Variants in BBC3 observed in about 807,000 individuals in gnomAD.
BBC3 encodes BCL2 binding component 3.
Under a neutral mutation model 18.2 loss-of-function variants are expected in BBC3, and 5 were observed. The observed-to-expected ratio is 0.27, with a 90% CI of 0.14 to 0.58. The LOEUF (loss-of-function observed/expected upper bound fraction) is 0.58, where lower values mean the gene tolerates loss of function less well. Among genes scored for constraint, BBC3 ranks in the 20% least tolerant of loss-of-function variants. The pLI is 0.91. For missense variants in BBC3, 224 were observed against 268.9 expected, an observed-to-expected ratio of 0.83 and a Z score of 1.17; for synonymous variants, 119 against 128.0, an observed-to-expected ratio of 0.93 and a Z score of 0.47.
chr19:47,226,362 G>A (rs2058820804), intron 3 of BBC3, among the ~76,000 whole-genome samples: 1 of 152,002 alleles, frequency 6.6e-6, no homozygotes, highest in Admixed American at 6.6e-5. Flanking sequence ...CTCGGGCTCC[G>A]GCTATGCCAG....
At chr19:47,226,088 G>A (rs1418368843) in intron 3 of BBC3, among the ~76,000 whole-genome samples, 2 of 151,964 alleles carry the variant, frequency 1.3e-5, no homozygotes, top group Non-Finnish European at 2.9e-5. Context: ...CTGGGGGGCG[G>A]GGCCTCCCGC....
In BBC3 at chr19:47,221,695, A is replaced by G; in HGVS notation, c.*107T>C. The stretch of plus-strand genomic sequence containing the variant: ...CCGGGACAGGCAGGGCTGGGAGTCC[A>G]GTATGCTACATGGTGCAGAGAAAGT... On this transcript the variant is annotated 3_prime_UTR_variant, in exon 4 of 4. Transcript: ENST00000439096. The G allele has an allele frequency of 1.3e-6, 2 of 1,563,816 alleles. No individual in the cohort carries two copies. The highest frequency in any genetic ancestry group is 1.7e-6 in the Non-Finnish European group (2 of 1,160,800).
intron 2 of BBC3, chr19:47,227,165 A>C: frequency 6.3e-6 from 1 of 157,932 alleles, no homozygotes; most frequent in Non-Finnish European, 1.4e-5. Context: ...CCCAGATCAC[A>C]AGCCTCAGGT....
In BBC3 at chr19:47,221,600, C is replaced by T. The variant is rs1362279569; in HGVS notation, c.*202G>A. 3.6e-6 allele frequency: 4 copies of T among 1,110,352 alleles called. No individual in the cohort carries two copies. The highest frequency in any genetic ancestry group is 1.5e-5 in the South Asian group (1 of 67,152). The allele number at this position is 1,110,352 out of a possible 1,614,324, so 68.8% of individuals were successfully genotyped here. A position where few individuals can be genotyped will look rare whatever the true frequency, so the allele number is the denominator to read the frequency against. ...CTCTCCTGGCTTCTTGGCCAGGGACCCAGGAGTCCGCATCTCCGTCAGTGC... is the reference window on the plus strand; with the variant it reads ...CTCTCCTGGCTTCTTGGCCAGGGACTCAGGAGTCCGCATCTCCGTCAGTGC... On this transcript the variant is annotated 3_prime_UTR_variant, in exon 4 of 4. Transcript: ENST00000439096.
At chr19:47,229,813 C>T (rs1198887804) in intron 1 of BBC3, among the ~76,000 whole-genome samples, 1 of 151,962 alleles carries the variant, frequency 6.6e-6, no homozygotes, top group Middle Eastern at 3.2e-3. Context: ...CCACCACACA[C>T]ATACATACAC....
At chr19:47,227,015 A>G (rs571769521) in intron 2 of BBC3, 5 of 336,114 alleles carry the variant, frequency 1.5e-5, no homozygotes, top group Non-Finnish European at 2.7e-5. Context: ...CAGAGAGGTG[A>G]CCCCGGGGGT....
intron 2 of BBC3, chr19:47,226,984 T>A: frequency 2.5e-6 from 1 of 405,966 alleles, no homozygotes; most frequent in African/African-American, 2.1e-5. Flanking sequence ...ACGGCCCTTG[T>A]CAGTGTGGAA....
intron 3 of BBC3, 111 bp downstream of exon 3, chr19:47,226,453 A>G: frequency 3.9e-6 from 1 of 257,228 alleles, no homozygotes; most frequent in South Asian, 5.8e-5. Context: ...CTGTCCGCGG[A>G]GCGACCCAGC....
rs1212698283 is a variant in BBC3, at chr19:47,221,437, C to CCT, written c.*364_*365insAG. The stretch of plus-strand genomic sequence containing the variant: ...GCACCGAGAGGAGAGCCCCCCCCTC[C>CCT]CAGTGTCACCCCTGCAGCTGGAACG... On this transcript the variant is annotated 3_prime_UTR_variant, in exon 4 of 4. Coordinates refer to ENST00000439096, the MANE Select transcript of BBC3 (RefSeq NM_014417.5). 7 of 255,928 alleles carry CCT rather than the reference C, an allele frequency of 2.7e-5. No individual in the cohort carries two copies. In the East Asian group the frequency reaches 6.8e-4, roughly 25 times the overall value. The allele number at this position is 255,928 out of a possible 1,614,324, so 15.9% of individuals were successfully genotyped here. A position where few individuals can be genotyped will look rare whatever the true frequency, so the allele number is the denominator to read the frequency against.
intron 1 of BBC3, among the ~76,000 whole-genome samples, chr19:47,229,012 C>A (rs1422379874): frequency 6.6e-6 from 1 of 151,304 alleles, no homozygotes; most frequent in African/African-American, 2.5e-5. Flanking sequence ...ACACCCCCGA[C>A]CAAAGCAGGA....
intron 1 of BBC3, among the ~76,000 whole-genome samples, chr19:47,229,455 A>G (rs1456958771): frequency 3.2e-4 from 48 of 150,318 alleles, no homozygotes. Flanking sequence ...CTCAAACATC[A>G]TCACCAACTG....
At chr19:47,221,963 T>C in intron 3 of BBC3, 45 bp from the exon 4 acceptor site, 1 of 1,520,754 alleles carries the variant, frequency 6.6e-7, no homozygotes, top group Non-Finnish European at 8.9e-7. Context: ...GGACTGAGTA[T>C]GGTGATGGGA....
At chr19:47,224,915 C>CTT (rs539447877) in intron 3 of BBC3, among the ~76,000 whole-genome samples, 61 of 131,104 alleles carry the variant, frequency 4.7e-4, no homozygotes, top group African/African-American at 1.1e-3. Flanking sequence ...CTTTTTGTTT[C>CTT]TTTTTTTTTT....
In BBC3 at chr19:47,230,294, C is replaced by T. The variant is rs1260899302; in HGVS notation, c.-16+635G>A. Among the ~76,000 whole-genome samples, 1 of 152,122 alleles carries T rather than the reference C, an allele frequency of 6.6e-6. No homozygotes were observed. Among genetic ancestry groups the T allele is most frequent in the Non-Finnish European group, 1.5e-5 (1 of 68,002 alleles). On this transcript the variant is annotated intron_variant, in intron 1 of 3. Coordinates refer to ENST00000439096, the MANE Select transcript of BBC3 (RefSeq NM_014417.5). The surrounding 1 kb of genome is among the most constrained non-coding windows in gnomAD (Gnocchi z 6.7). ...CACTCCCTGCAGAACCCAGCACAAA[C>T]TCGGAGCCAGACACGCGCACACACC...
chr19:47,223,348 C>T (rs1468965517), intron 3 of BBC3, among the ~76,000 whole-genome samples: 3 of 151,886 alleles, frequency 2.0e-5, no homozygotes, highest in South Asian at 2.1e-4. Context: ...AGGTGGATCA[C>T]CTGAGGTCAG....
chr19:47,221,450 T>A lies in BBC3; in HGVS notation c.*352A>T, dbSNP rs2123351809. The stretch of plus-strand genomic sequence containing the variant: ...AGCCCCCCCCTCCCAGTGTCACCCC[T>A]GCAGCTGGAACGGGCACCAGCACAA... On this transcript the variant is annotated 3_prime_UTR_variant, in exon 4 of 4. Transcript: ENST00000439096. 9.9e-5 allele frequency: 9 copies of A among 90,754 alleles called. No individual in the cohort carries two copies. Among genetic ancestry groups the A allele is most frequent in the Non-Finnish European group, 1.4e-4 (8 of 56,160 alleles). 5.6% of individuals were successfully genotyped at this position (90,754 alleles called of 1,614,324 possible). A position where few individuals can be genotyped will look rare whatever the true frequency, so the allele number is the denominator to read the frequency against.
intron 3 of BBC3, among the ~76,000 whole-genome samples, chr19:47,225,631 A>G (rs2123370711): frequency 6.6e-6 from 1 of 152,306 alleles, no homozygotes; most frequent in African/African-American, 2.4e-5. Context: ...TGCTGGGATT[A>G]CAGGAGTGAG....
At chr19:47,231,339 G>C, upstream of BBC3, 1 of 414,834 alleles carries the variant, frequency 2.4e-6, no homozygotes, top group Non-Finnish European at 3.2e-6. This position sits in a 1 kb window ranked among gnomAD's most constrained non-coding sequence, Gnocchi z 4.0. Flanking sequence ...AGGACTTGCA[G>C]GCGCGCGCCG....
chr19:47,222,237 A>G (rs1600233699), intron 3 of BBC3: 1 of 261,134 alleles, frequency 3.8e-6, no homozygotes, highest in South Asian at 8.3e-5. Context: ...ATGGACTGCA[A>G]CCTATCCTGC....
Sources: gnomAD v4.1 joint callset for allele counts (sites outside exome capture counted in the v4.1 genomes callset) on GRCh38, gnomAD v4.1.1 for gene constraint, Gnocchi (gnomAD v3.1) non-coding constraint, MANE v1.5 for transcripts, NCBI Gene and HGNC (gene_info 2026-07-23, HGNC 2026-07-21) for gene names.